The following CRB2 variants were observed in gnomAD, a reference collection of about 807,000 sequenced individuals.
The protein encoded by CRB2 is protein crumbs homolog 2.
A neutral mutation model predicts 110.9 loss-of-function variants in CRB2; 85 were observed. That is an observed-to-expected ratio of 0.77 (90% CI 0.64 to 0.92). The LOEUF (loss-of-function observed/expected upper bound fraction) is 0.92, where lower values mean the gene tolerates loss of function less well. CRB2 is among the 40% of genes least tolerant of loss of function. CRB2 has a pLI of 0.00. For missense variants in CRB2, 1,843 were observed against 1,851.3 expected, an observed-to-expected ratio of 1.00 and a Z score of 0.08; for synonymous variants, 907 against 831.0, an observed-to-expected ratio of 1.09 and a Z score of -1.57.
chr9:123,354,174 G>A (rs1041314981), upstream of CRB2, among the ~76,000 whole-genome samples: 2 of 152,252 alleles, frequency 1.3e-5, no homozygotes, highest in Admixed American at 1.3e-4. Flanking sequence ...TGTACCCGGT[G>A]CTGTCGGGGG....
In CRB2 at chr9:123,363,009, C is replaced by T; in HGVS notation, c.239C>T (p.Ala80Val). 1 of 1,612,656 alleles carries T rather than the reference C, an allele frequency of 6.2e-7. No individual in the cohort carries two copies. The highest frequency in any genetic ancestry group is 8.5e-7 in the Non-Finnish European group (1 of 1,179,886). Reference sequence around the variant, plus strand: ...GCCACCCAGCCATGCCACCACGGCGCTCTGTGTGTGCCCCAGGGTCCAGAT... The same window carrying T: ...GCCACCCAGCCATGCCACCACGGCGTTCTGTGTGTGCCCCAGGGTCCAGAT... ...GCATQPCHHG[A>V]LCVPQGPDPT... Residue 80 changes from alanine (A) to valine (V), a missense_variant, in exon 2 of 13, where the codon GCT becomes GTT. Transcript: ENST00000373631.
chr9:123,372,117 G>T lies in CRB2; in HGVS notation c.2437-60G>T, dbSNP rs1339373797. 7.7e-6 allele frequency: 12 copies of T among 1,554,424 alleles called. No individual in the cohort carries two copies. In the East Asian group the frequency reaches 2.7e-4, roughly 35 times the overall value. ...TCAGCGAAGAAGCACTGCAATGCCA[G>T]TTATGGTGGGTGATGCTCACTGCAG... On this transcript the variant is annotated intron_variant, in intron 8 of 12. Coordinates refer to ENST00000373631, the MANE Select transcript of CRB2 (RefSeq NM_173689.7).
intron 6 of CRB2, 102 bp downstream of exon 6, chr9:123,367,788 C>T: frequency 1.2e-6 from 1 of 805,958 alleles, no homozygotes. Flanking sequence ...TCAAGGAGAT[C>T]AGGGAGGAGG....
In CRB2 at chr9:123,373,475, A is replaced by C. The variant is rs2042050081; in HGVS notation, c.2944A>C (p.Thr982Pro). ...GCTGCTGTGGCTGGATGGTGCCGCCACCCCGGTGGCGCTGCGCGGCCTGGC... is the reference window on the plus strand; with the variant it reads ...GCTGCTGTGGCTGGATGGTGCCGCCCCCCCGGTGGCGCTGCGCGGCCTGGC... Reference protein sequence around the residue: ...RWLLWLDGAATPVALRGLASD... With the variant: ...RWLLWLDGAAPPVALRGLASD... Residue 982 changes from threonine (T) to proline (P), a missense_variant, in exon 10 of 13, where the codon ACC becomes CCC. Physicochemically the swap from Thr to Pro is conservative, Grantham distance 38. Transcript: ENST00000373631. 1 of 1,451,020 alleles carries C rather than the reference A, an allele frequency of 6.9e-7. No individual in the cohort carries two copies. Among genetic ancestry groups the C allele is most frequent in the Non-Finnish European group, 9.0e-7 (1 of 1,110,524 alleles). 89.9% of individuals were successfully genotyped at this position (1,451,020 alleles called of 1,614,324 possible). A position where few individuals can be genotyped will look rare whatever the true frequency, so the allele number is the denominator to read the frequency against.
intron 10 of CRB2, 56 bp from the exon 11 acceptor site, chr9:123,374,523 G>T: frequency 7.6e-7 from 1 of 1,308,294 alleles, no homozygotes; most frequent in Non-Finnish European, 1.1e-6. Flanking sequence ...TCACAGCGCT[G>T]GGGAGGGCAG....
intron 9 of CRB2, among the ~76,000 whole-genome samples, chr9:123,372,806 C>T (rs1367332925): frequency 2.0e-5 from 3 of 152,212 alleles, no homozygotes; most frequent in Non-Finnish European, 4.4e-5. Flanking sequence ...AAGCCTCGGC[C>T]ATGAGGTGGG....
At chr9:123,357,119 A>ATG (rs1042309904) in intron 1 of CRB2, among the ~76,000 whole-genome samples, 33 of 151,870 alleles carry the variant, frequency 2.2e-4, no homozygotes, top group African/African-American at 8.0e-4. Context: ...ATTTGGGAAC[A>ATG]TGTGTGTGTC....
intron 12 of CRB2, among the ~76,000 whole-genome samples, chr9:123,376,504 C>T (rs2130787890): frequency 6.6e-6 from 1 of 152,348 alleles, no homozygotes; most frequent in East Asian, 1.9e-4. Context: ...CAGCCTGCCC[C>T]TGCTCCTGCT....
In CRB2 at chr9:123,367,315, C is replaced by T. The variant is rs2041947971; in HGVS notation, c.898C>T (p.His300Tyr). 6.2e-7 allele frequency: 1 copy of T among 1,604,492 alleles called. No individual in the cohort carries two copies. Among genetic ancestry groups the T allele is most frequent in the African/African-American group, 1.3e-5 (1 of 74,860 alleles). ...CTTCCCTGGCGCCTTCAGCTTCCGC[C>T]ATGCTGCGGGTTTCCTGTGCCACTG... ...AAFPGAFSFRHAAGFLCHCPP... is the reference protein window; with the variant it reads ...AAFPGAFSFRYAAGFLCHCPP... Residue 300 changes from histidine (H) to tyrosine (Y), a missense_variant, in exon 5 of 13, where the codon CAT (histidine) becomes TAT (tyrosine). His to Tyr is a moderately conservative substitution (Grantham distance 83, BLOSUM62 2). Coordinates refer to ENST00000373631, the MANE Select transcript of CRB2 (RefSeq NM_173689.7).
intron 11 of CRB2, 71 bp from the exon 12 acceptor site, chr9:123,375,146 C>A: frequency 6.3e-7 from 1 of 1,597,324 alleles, no homozygotes; most frequent in Non-Finnish European, 8.5e-7. Flanking sequence ...TGGGGATGGG[C>A]AGCAGAGCAG....
chr9:123,356,552 G>A (rs2041801373), intron 1 of CRB2, among the ~76,000 whole-genome samples, 198 bp downstream of exon 1: 1 of 150,960 alleles, frequency 6.6e-6, no homozygotes, highest in African/African-American at 2.4e-5. Context: ...TCTGAGGCTC[G>A]GGGCTGTTTC....
At position 123,373,308 on chromosome 9, in the gene CRB2, A is replaced by G; in HGVS notation, c.2777A>G (p.Asn926Ser). The G allele has an allele frequency of 1.4e-6, 2 of 1,464,444 alleles. No homozygotes were observed. Among genetic ancestry groups the G allele is most frequent in the Non-Finnish European group, 1.8e-6 (2 of 1,117,160 alleles). 90.7% of individuals were successfully genotyped at this position (1,464,444 alleles called of 1,614,324 possible). A position where few individuals can be genotyped will look rare whatever the true frequency, so the allele number is the denominator to read the frequency against. The change falls in exon 10 of 13, where the codon AAT (asparagine) becomes AGT (serine). Residue 926 changes from asparagine to serine, a missense_variant. Physicochemically the swap from Asn to Ser is conservative, Grantham distance 46. Coordinates refer to ENST00000373631, the MANE Select transcript of CRB2 (RefSeq NM_173689.7). Reference sequence around the variant, plus strand: ...GAAGGCGTGTGGCTGGCGGTGCGCAATGGCTCGCTGGCGGGGGGCGTGCGC... The same window carrying G: ...GAAGGCGTGTGGCTGGCGGTGCGCAGTGGCTCGCTGGCGGGGGGCGTGCGC... The part of the protein sequence containing the change: ...ALEGVWLAVR[N>S]GSLAGGVRGG...
Position 123,373,886 on chromosome 9 carries a change from C to G in CRB2, c.3355C>G (p.Arg1119Gly), listed in dbSNP as rs368543322. The G allele has an allele frequency of 6.5e-7, 1 of 1,548,542 alleles. No homozygotes were observed. Among genetic ancestry groups the G allele is most frequent in the Non-Finnish European group, 8.7e-7 (1 of 1,149,286 alleles). The change falls in exon 10 of 13, where the codon CGC (arginine) becomes GGC (glycine). Residue 1119 changes from arginine to glycine, a missense_variant. By Grantham distance (125) the Arg-to-Gly change is moderately radical. Coordinates refer to ENST00000373631, the MANE Select transcript of CRB2 (RefSeq NM_173689.7). ...GCACCCCGACGGCCGCTTCGAGTGCCGCTGCCCGCCTGGCTTCGGGGGCCC... is the reference window on the plus strand; with the variant it reads ...GCACCCCGACGGCCGCTTCGAGTGCGGCTGCCCGCCTGGCTTCGGGGGCCC... ...HTHPDGRFEC[R>G]CPPGFGGPRC...
chr9:123,372,770 A>G (rs1319484464), intron 9 of CRB2, among the ~76,000 whole-genome samples: 1 of 152,206 alleles, frequency 6.6e-6, no homozygotes, highest in Non-Finnish European at 1.5e-5. Flanking sequence ...TGCATTTTAC[A>G]AAGATGACTG....
At chr9:123,375,181 G>A (rs1476397620) in intron 11 of CRB2, 36 bp from the exon 12 acceptor site, 1 of 1,611,032 alleles carries the variant, frequency 6.2e-7, no homozygotes, top group Non-Finnish European at 8.5e-7. Context: ...GGCAGCCATG[G>A]GGGAAGCCGC....
chr9:123,372,200 G>A lies in CRB2; in HGVS notation c.2460G>A (p.Gly820=). 1 of 1,614,074 alleles carries A rather than the reference G, an allele frequency of 6.2e-7. No homozygotes were observed. The highest frequency in any genetic ancestry group is 8.5e-7 in the Non-Finnish European group (1 of 1,180,010). Residue 820 remains glycine (G), a synonymous_variant, in exon 9 of 13, where the codon GGG becomes GGA. Transcript: ENST00000373631. ...MCSPDPCFNG[G]TCLVTWNDFH... is the part of the protein sequence containing the mutation. ...AGCCTGACCCCTGTTTCAATGGTGG[G>A]ACTTGCCTCGTCACCTGGAATGACT...
chr9:123,366,213 T>TGCGCCCTCCCCAGGTTCCGGTGCGACTGC lies in CRB2; in HGVS notation c.615-10_633dup, dbSNP rs2041929271. 1 of 1,419,686 alleles carries TGCGCCCTCCCCAGGTTCCGGTGCGACTGC rather than the reference T, an allele frequency of 7.0e-7. No homozygotes were observed. Among genetic ancestry groups the TGCGCCCTCCCCAGGTTCCGGTGCGACTGC allele is most frequent in the Non-Finnish European group, 9.1e-7 (1 of 1,096,962 alleles). 87.9% of individuals were successfully genotyped at this position (1,419,686 alleles called of 1,614,324 possible). A position where few individuals can be genotyped will look rare whatever the true frequency, so the allele number is the denominator to read the frequency against. ...GCAGGCGCGCGCTCAGCTCCGCCGG[T>TGCGCCCTCCCCAGGTTCCGGTGCGACTGC]GCGCCCTCCCCAGGTTCCGGTGCGA... On this transcript the variant is annotated splice_polypyrimidine_tract_variant and intron_variant, in intron 3 of 12. Transcript: ENST00000373631.
chr9:123,363,812 G>A (rs1025946128), intron 2 of CRB2, among the ~76,000 whole-genome samples: 4 of 152,238 alleles, frequency 2.6e-5, no homozygotes, highest in Non-Finnish European at 4.4e-5. Flanking sequence ...TCTCCAGAGT[G>A]TGGCCCGTCC....
At chr9:123,371,790 C>T in intron 8 of CRB2, among the ~76,000 whole-genome samples, 1 of 152,168 alleles carries the variant, frequency 6.6e-6, no homozygotes, top group Non-Finnish European at 1.5e-5. Flanking sequence ...CTGGCGGTCC[C>T]CGTGTCTCCC....
Sources: gnomAD v4.1 joint callset for allele counts (sites outside exome capture counted in the v4.1 genomes callset) on GRCh38, gnomAD v4.1.1 for gene constraint, MANE v1.5 for transcripts, NCBI Gene and HGNC (gene_info 2026-07-23, HGNC 2026-07-21) for gene names.